Variants in CFAP54 observed in about 807,000 individuals in gnomAD.
CFAP54 encodes the protein cilia and flagella associated protein 54.
Under a neutral mutation model 370.4 loss-of-function variants are expected in CFAP54, and 290 were observed. The ratio of observed to expected loss-of-function variants is 0.78; its 90% CI spans 0.71 to 0.86. The LOEUF (loss-of-function observed/expected upper bound fraction) is 0.86. CFAP54 is among the 40% of genes least tolerant of loss of function. CFAP54 has a pLI of 0.00. For synonymous variants in CFAP54, 1,206 were observed against 1,236.5 expected (o/e 0.98, Z 0.52); for missense variants, 3,399 against 3,528.7 (o/e 0.96, Z 0.93).
intron 50 of CFAP54, among the ~76,000 whole-genome samples, chr12:96,737,465 A>G (rs1004495300): frequency 4.1e-5 from 6 of 148,126 alleles, no homozygotes; most frequent in Non-Finnish European, 8.9e-5. Flanking sequence ...TAGATATATT[A>G]TATATTATAT....
At chr12:96,726,152 C>A (rs1291237425) in intron 50 of CFAP54, among the ~76,000 whole-genome samples, 5 of 150,022 alleles carry the variant, frequency 3.3e-5, no homozygotes, top group African/African-American at 1.2e-4. Flanking sequence ...TTGGTTGTGT[C>A]TCTGCCCGGC....
intron 64 of CFAP54, among the ~76,000 whole-genome samples, chr12:96,816,792 G>A (rs537234321): frequency 6.6e-6 from 1 of 152,286 alleles, no homozygotes; most frequent in East Asian, 1.9e-4. Flanking sequence ...GTGGCTGTTT[G>A]CCTTCTTCAA....
rs370900218 is a variant in CFAP54 at position 96,639,021 on chromosome 12, G to A, written c.4317-5157G>A. Among the ~76,000 whole-genome samples, 8 of 152,332 alleles carry A rather than the reference G, an allele frequency of 5.3e-5. No homozygotes were observed. The East Asian group carries it at 7.7e-4, about 15-fold the overall frequency. ...CTTCTCTAGTTGTTTTAATTGTGAT[G>A]TTAGGGTGTCAATTTTAGATCTTTG... is the stretch of plus-strand genomic sequence containing the variant. On this transcript the variant is annotated intron_variant, in intron 32 of 67. Coordinates refer to ENST00000524981, the MANE Select transcript of CFAP54 (RefSeq NM_001306084.2).
At chr12:96,628,505 G>T (rs1956570007) in intron 30 of CFAP54, among the ~76,000 whole-genome samples, 1 of 152,190 alleles carries the variant, frequency 6.6e-6, no homozygotes, top group Admixed American at 6.5e-5. Flanking sequence ...GAGGGAGAGA[G>T]AGAGGAGAGG....
chr12:96,637,296 T>A (rs1287469260), intron 32 of CFAP54, among the ~76,000 whole-genome samples: 6 of 152,224 alleles, frequency 3.9e-5, no homozygotes, highest in East Asian at 1.9e-4. Flanking sequence ...CATTCATCGG[T>A]TGATAGACTT....
intron 17 of CFAP54, among the ~76,000 whole-genome samples, chr12:96,559,451 T>C (rs761643645): frequency 6.6e-5 from 10 of 152,134 alleles, no homozygotes; most frequent in Non-Finnish European, 1.5e-4. Context: ...CCTCCAACTT[T>C]TTATTTAACA....
At chr12:96,738,183 A>G (rs1035586447) in intron 50 of CFAP54, among the ~76,000 whole-genome samples, 1 of 152,172 alleles carries the variant, frequency 6.6e-6, no homozygotes, top group Non-Finnish European at 1.5e-5. Flanking sequence ...TGGATTGAAC[A>G]TGAAGTGCGA....
intron 67 of CFAP54, among the ~76,000 whole-genome samples, chr12:96,868,181 T>G (rs1592823320): frequency 6.6e-6 from 1 of 152,230 alleles, no homozygotes; most frequent in South Asian, 2.1e-4. Context: ...ATCACACTCA[T>G]TCTATTTTGC....
rs186646985 is a variant in CFAP54 at position 96,820,048 on chromosome 12, G to T, written c.9096+2135G>T. Among the ~76,000 whole-genome samples the T allele has an allele frequency of 1.9e-3, 292 of 152,200 alleles. 1 individual carries two copies. Among genetic ancestry groups the T allele is most frequent in the Non-Finnish European group, 1.4e-3 (96 of 68,018 alleles). On this transcript the variant is annotated intron_variant, in intron 65 of 67. Coordinates refer to ENST00000524981, the MANE Select transcript of CFAP54 (RefSeq NM_001306084.2). ...ATGCCTCCTACTTGCCATGGTGTGG[G>T]AATCGGGGATGAGCAAGACACAGAG...
In CFAP54 at chr12:96,644,572, T is replaced by C. The variant is rs1039587857; in HGVS notation, c.4547+164T>C. 2.6e-5 allele frequency among the ~76,000 whole-genome samples: 4 copies of C among 152,292 alleles called. No individual in the cohort carries two copies. The East Asian group carries it at 7.7e-4, about 29-fold the overall frequency. Reference sequence around the variant, plus strand: ...TGTTCTCACACTGCTATAAAGAACTTCCCGAGACTGGTAATTTATAAAGGA... The same window carrying C: ...TGTTCTCACACTGCTATAAAGAACTCCCCGAGACTGGTAATTTATAAAGGA... On this transcript the variant is annotated intron_variant, in intron 33 of 67. Transcript: ENST00000524981.
At chr12:96,833,502 G>A (rs377543339) in intron 66 of CFAP54, among the ~76,000 whole-genome samples, 24 of 110,490 alleles carry the variant, frequency 2.2e-4, no homozygotes, top group African/African-American at 4.5e-4. Context: ...AATTACACAC[G>A]CGTACGTGTG....
intron 67 of CFAP54, among the ~76,000 whole-genome samples, chr12:96,868,620 CA>C (rs1330900228): frequency 6.6e-6 from 1 of 151,652 alleles, no homozygotes; most frequent in African/African-American, 2.4e-5. Flanking sequence ...TGAACTTGCT[CA>C]AAAAAATGTA....
intron 65 of CFAP54, among the ~76,000 whole-genome samples, chr12:96,825,346 G>T: frequency 8.6e-6 from 1 of 116,236 alleles, no homozygotes; most frequent in African/African-American, 3.5e-5. Context: ...TATATATTAT[G>T]TAACATGTTA....
rs1956767743 is a variant in CFAP54, at chr12:96,644,394, A to G, written c.4533A>G (p.Ser1511=). 3 of 1,533,138 alleles carry G rather than the reference A, an allele frequency of 2.0e-6. No homozygotes were observed. Among genetic ancestry groups the G allele is most frequent in the Admixed American group, 2.0e-5 (1 of 50,960 alleles). 95.0% of individuals were successfully genotyped at this position (1,533,138 alleles called of 1,614,324 possible). ...GTACGAAGATGAAATTTGGCACATC[A>G]CATATGATGGTCAGGTATAGTATAT... The part of the protein sequence containing the change: ...WECTKMKFGT[S]HMMVSFRSCD... The change falls in exon 33 of 68, where the codon TCA becomes TCG. Residue 1511 remains serine, a synonymous_variant. Transcript: ENST00000524981.
intron 39 of CFAP54, among the ~76,000 whole-genome samples, chr12:96,666,487 A>G (rs948962592): frequency 1.3e-5 from 2 of 152,368 alleles, no homozygotes; most frequent in African/African-American, 4.8e-5. Context: ...ACAGTTCCAG[A>G]TGGCTGGAGA....
At chr12:96,541,223 G>C (rs956847420) in intron 14 of CFAP54, among the ~76,000 whole-genome samples, 3 of 150,192 alleles carry the variant, frequency 2.0e-5, no homozygotes, top group African/African-American at 7.4e-5. Flanking sequence ...CCTTTTCTCT[G>C]TTCCTAATTA....
chr12:96,739,984 C>T lies in CFAP54; in HGVS notation c.6994C>T (p.Leu2332Phe). The T allele has an allele frequency of 6.3e-7, 1 of 1,595,952 alleles. No individual in the cohort carries two copies. The change falls in exon 51 of 68, where the codon CTT becomes TTT. Residue 2332 changes from leucine (L) to phenylalanine (F), a missense_variant. Around this residue, in one of 3 missense-constraint regions of CFAP54, gnomAD observed 2,796 missense variants for 2,869.7 expected, o/e 0.97. Transcript: ENST00000524981. ...TGCAATAGTATTTTCTACACTTACA[C>T]TTCTCCAGGATTCAAAACTTTTTGA... ...SAAIVFSTLT[L>F]LQDSKLFEKK... is the part of the protein sequence containing the mutation.
chr12:96,649,195 G>C (rs763542733), intron 34 of CFAP54, among the ~76,000 whole-genome samples: 1 of 152,136 alleles, frequency 6.6e-6, no homozygotes, highest in Non-Finnish European at 1.5e-5. Context: ...ACTTCTTCTA[G>C]GATATAGATT....
At position 96,790,937 on chromosome 12, in the gene CFAP54, A is replaced by G. The variant is rs562825298; in HGVS notation, c.8680-1392A>G. ...TTATTTCCGTTTTTATTTTATTTTG[A>G]AGACTTAACATTCACAGTCATATTA... On this transcript the variant is annotated intron_variant, in intron 62 of 67. Coordinates refer to ENST00000524981, the MANE Select transcript of CFAP54 (RefSeq NM_001306084.2). Among the ~76,000 whole-genome samples, 75 of 152,284 alleles carry G rather than the reference A, an allele frequency of 4.9e-4. 2 individuals carry two copies. The highest frequency in any genetic ancestry group is 3.4e-3 in the Middle Eastern group (1 of 294).
Sources: gnomAD v4.1 joint callset for allele counts (sites outside exome capture counted in the v4.1 genomes callset) on GRCh38, gnomAD v4.1.1 for gene constraint, gnomAD v4.1.1 regional missense constraint, MANE v1.5 for transcripts, NCBI Gene and HGNC (gene_info 2026-07-23, HGNC 2026-07-21) for gene names.